KRTAP4-7: variants seen among roughly 807,000 people sequenced by gnomAD.
KRTAP4-7 encodes keratin associated protein 4-7.
In KRTAP4-7, 1 loss-of-function variant was observed where a neutral mutation model predicts 3.0. The ratio of observed to expected loss-of-function variants is 0.33; its 90% CI spans 0.12 to 1.57. KRTAP4-7 has a LOEUF of 1.57. Ranked by LOEUF, KRTAP4-7 falls within the 40% of genes most tolerant of loss-of-function variation. The probability of loss-of-function intolerance (pLI) is 0.37; values close to 1 mark genes in which losing one functional copy is unlikely to be tolerated. For missense variants in KRTAP4-7, 199 were observed against 209.1 expected, an observed-to-expected ratio of 0.95 and a Z score of 0.30; for synonymous variants, 70 against 74.6, an observed-to-expected ratio of 0.94 and a Z score of 0.32.
Position 41,084,402 on chromosome 17 carries a change from C to T in KRTAP4-7, c.196C>T (p.Arg66Cys), listed in dbSNP as rs770385197. ...TGTGTGCTGCCAACCCACCTGCTGT[C>T]GCCCCACCTGCTGTGAGACGACCTG... is the stretch of plus-strand genomic sequence containing the variant. Residue 66 changes from arginine to cysteine, a missense_variant, in exon 1 of 1, where the codon CGC becomes TGC. Transcript: ENST00000391417. 13 of 1,420,964 alleles carry T rather than the reference C, an allele frequency of 9.1e-6. No individual in the cohort carries two copies. Among genetic ancestry groups the T allele is most frequent in the African/African-American group, 4.7e-5 (3 of 63,820 alleles). The allele number at this position is 1,420,964 out of a possible 1,614,324, so 88.0% of individuals were successfully genotyped here.
chr17:41,084,471 T>A, exon 1 of KRTAP4-7: 3 of 1,517,832 alleles, frequency 2.0e-6, no homozygotes, highest in Non-Finnish European at 2.7e-6. Context: ...CCGCCCCAGC[T>A]GCTGTATGTC....
exon 1 of KRTAP4-7, chr17:41,084,215 C>T (rs1388183991): frequency 6.2e-7 from 1 of 1,606,650 alleles, no homozygotes; most frequent in East Asian, 2.2e-5. Flanking sequence ...CCATGGTCAG[C>T]TCCTGTTGTG....
exon 1 of KRTAP4-7, chr17:41,084,412 G>T (rs750273296): frequency 1.4e-6 from 2 of 1,423,098 alleles, no homozygotes; most frequent in Admixed American, 3.9e-5. Flanking sequence ...CGCCCCACCT[G>T]CTGTGAGACG....
At chr17:41,084,920 T>C (rs940354698) in exon 1 of KRTAP4-7, 5 of 628,694 alleles carry the variant, frequency 8.0e-6, no homozygotes, top group Non-Finnish European at 1.4e-5. Context: ...TGTAATACAC[T>C]AGCTAAGAAA....
rs762351277 is a variant in KRTAP4-7, at chr17:41,084,355, G to C, written c.149G>C (p.Cys50Ser). ...CCCAGCTGTTGTGTGTCCAGCTGCT[G>C]CAGGCCCCAGTGCTGCCAGTCTGTG... The change falls in exon 1 of 1, where the codon TGC becomes TCC. Residue 50 changes from cysteine to serine, a missense_variant. Physicochemically the swap from Cys to Ser is moderately radical, Grantham distance 112. Coordinates refer to ENST00000391417, the Ensembl canonical transcript of KRTAP4-7. 2.7e-5 allele frequency: 43 copies of C among 1,608,648 alleles called. No individual in the cohort carries two copies. Among genetic ancestry groups the C allele is most frequent in the Non-Finnish European group, 3.6e-5 (42 of 1,176,100 alleles).
exon 1 of KRTAP4-7, chr17:41,085,039 C>T (rs1597973188): frequency 8.5e-6 from 3 of 351,318 alleles, no homozygotes; most frequent in Non-Finnish European, 1.6e-5. Context: ...ACTGATGTTG[C>T]ACCCTCAGAT....
At chr17:41,084,810 AC>A in exon 1 of KRTAP4-7, 1 of 1,333,166 alleles carries the variant, frequency 7.5e-7, no homozygotes, top group Non-Finnish European at 1.0e-6. Context: ...CAAAGAGCCC[AC>A]CACCATTTCA....
Position 41,084,789 on chromosome 17 carries a change from C to A in KRTAP4-7, c.*115C>A, listed in dbSNP as rs556522998. 9.2e-6 allele frequency: 13 copies of A among 1,418,880 alleles called. No individual in the cohort carries two copies. The African/African-American group carries it at 1.7e-4, about 19-fold the overall frequency. 87.9% of individuals were successfully genotyped at this position (1,418,880 alleles called of 1,614,324 possible). A position where few individuals can be genotyped will look rare whatever the true frequency, so the allele number is the denominator to read the frequency against. ...GGTTGATGTCATTCAATAGGATGGA[C>A]CTTATGCTTCCAAAGAGCCCACCAC... On this transcript the variant is annotated 3_prime_UTR_variant, in exon 1 of 1. Coordinates refer to ENST00000391417, the Ensembl canonical transcript of KRTAP4-7.
At chr17:41,084,882 T>C (rs1597973099) in exon 1 of KRTAP4-7, 2 of 766,190 alleles carry the variant, frequency 2.6e-6, no homozygotes, top group South Asian at 2.0e-5. Context: ...CTTTTTCTTC[T>C]GGTGGTGGCA....
chr17:41,084,711 G>T (rs921693687), exon 1 of KRTAP4-7: 2 of 1,550,140 alleles, frequency 1.3e-6, no homozygotes, highest in East Asian at 2.4e-5. Flanking sequence ...TTCACCACTG[G>T]CCCACAGATG....
At chr17:41,084,719 A>G (rs1323586873) in exon 1 of KRTAP4-7, 7 of 1,543,508 alleles carry the variant, frequency 4.5e-6, no homozygotes, top group Non-Finnish European at 6.1e-6. Context: ...TGGCCCACAG[A>G]TGTAGACCCT....
Position 41,084,780 on chromosome 17 carries a change from T to C in KRTAP4-7, c.*106T>C, listed in dbSNP as rs2013620567. The stretch of plus-strand genomic sequence containing the variant: ...ATGAAGTGGGGTTGATGTCATTCAA[T>C]AGGATGGACCTTATGCTTCCAAAGA... On this transcript the variant is annotated 3_prime_UTR_variant, in exon 1 of 1. Transcript: ENST00000391417. The C allele has an allele frequency of 4.1e-6, 6 of 1,453,844 alleles. No homozygotes were observed. The South Asian group carries it at 4.2e-5, about 10-fold the overall frequency. The allele number at this position is 1,453,844 out of a possible 1,614,324, so 90.1% of individuals were successfully genotyped here.
At chr17:41,084,584 C>G in exon 1 of KRTAP4-7, 1 of 1,404,648 alleles carries the variant, frequency 7.1e-7, no homozygotes, top group Non-Finnish European at 9.5e-7. Flanking sequence ...CAGTCTGTGG[C>G]CGAGTCTCCT....
chr17:41,084,909 T>G, exon 1 of KRTAP4-7: 5 of 652,876 alleles, frequency 7.7e-6, no homozygotes, highest in Non-Finnish European at 1.3e-5. Context: ...GTGAATTAAT[T>G]TGTAATACAC....
chr17:41,084,695 T>A, exon 1 of KRTAP4-7: 2 of 1,566,822 alleles, frequency 1.3e-6, no homozygotes, highest in Non-Finnish European at 1.7e-6. Context: ...CTGGCTCACG[T>A]CCCCCTTCAC....
chr17:41,084,230 C>T (rs754460309), exon 1 of KRTAP4-7: 35 of 1,610,682 alleles, frequency 2.2e-5, no homozygotes, highest in South Asian at 9.9e-5. Flanking sequence ...GTTGTGGCTC[C>T]GTGTGCTCTG....
chr17:41,084,613 G>A lies in KRTAP4-7; in HGVS notation c.407G>A (p.Arg136His), dbSNP rs554015981. ...GTCTCCTGCCACACCACTTGCTATC[G>A]CCCAACCTGTGTCATCTCCACCTGT... The change falls in exon 1 of 1, where the codon CGC (arginine) becomes CAC (histidine). Residue 136 changes from arginine (R) to histidine (H), a missense_variant. Coordinates refer to ENST00000391417, the Ensembl canonical transcript of KRTAP4-7. 81 of 1,599,370 alleles carry A rather than the reference G, an allele frequency of 5.1e-5. No homozygotes were observed. Among genetic ancestry groups the A allele is most frequent in the Admixed American group, 2.1e-4 (12 of 58,074 alleles).
chr17:41,084,816 A>T (rs978438939), exon 1 of KRTAP4-7: 3 of 1,283,256 alleles, frequency 2.3e-6, no homozygotes, highest in Non-Finnish European at 3.2e-6. Flanking sequence ...GCCCACCACC[A>T]TTTCACTGAC....
Position 41,084,422 on chromosome 17 carries a change from G to C in KRTAP4-7, c.216G>C (p.Thr72=), listed in dbSNP as rs766371233. ...GCTGTCGCCCCACCTGCTGTGAGAC[G>C]ACCTGCTGCCACCCTAGGTGCTGCA... The change falls in exon 1 of 1, where the codon ACG becomes ACC. Residue 72 remains threonine, a synonymous_variant. Coordinates refer to ENST00000391417, the Ensembl canonical transcript of KRTAP4-7. The C allele has an allele frequency of 1.0e-5, 14 of 1,405,288 alleles. No homozygotes were observed. In the South Asian group the frequency reaches 1.3e-4, roughly 13 times the overall value. The allele number at this position is 1,405,288 out of a possible 1,614,324, so 87.1% of individuals were successfully genotyped here.
Sources: allele counts gnomAD v4.1 joint callset, GRCh38; gene constraint gnomAD v4.1.1; transcripts MANE v1.5; gene names NCBI Gene and HGNC (gene_info 2026-07-23, HGNC 2026-07-21).